Variants in SPATA7 observed in about 807,000 individuals in gnomAD.
SPATA7 encodes the protein spermatogenesis associated 7, also known as spermatogenesis-associated protein 7.
A neutral mutation model predicts 51.8 loss-of-function variants in SPATA7; 43 were observed. The observed-to-expected ratio is 0.83, with a 90% confidence interval of 0.65 to 1.07. The LOEUF (loss-of-function observed/expected upper bound fraction) is 1.07. Ranked by LOEUF, SPATA7 falls within the 50% of genes least tolerant of loss-of-function variation. The pLI is 0.00. For synonymous variants in SPATA7, 230 were observed against 252.8 expected (o/e 0.91, Z 0.86); for missense variants, 683 against 701.3 (o/e 0.97, Z 0.30).
chr14:88,395,920 G>GT (rs1288675962), intron 3 of SPATA7, among the ~76,000 whole-genome samples: 1 of 151,980 alleles, frequency 6.6e-6, no homozygotes, highest in Non-Finnish European at 1.5e-5. Flanking sequence ...TGTTAAGTCT[G>GT]TTTCATTTTG....
chr14:88,467,204 C>T (rs1451316591), intron 4 of SPATA7: 1 of 152,170 alleles, frequency 6.6e-6, no homozygotes, highest in Non-Finnish European at 1.5e-5. Flanking sequence ...TCTCCCAAAA[C>T]GCTTCTCAGC....
chr14:88,395,389 AT>A (rs1415929836), intron 3 of SPATA7, among the ~76,000 whole-genome samples: 2 of 152,164 alleles, frequency 1.3e-5, no homozygotes, highest in South Asian at 4.1e-4. Context: ...AAAGAAAAAT[AT>A]TTTGTGACAT....
In SPATA7 at chr14:88,438,030, G is replaced by T. The variant is rs375711118; in HGVS notation, c.1408G>T (p.Ala470Ser). 1 of 1,613,908 alleles carries T rather than the reference G, an allele frequency of 6.2e-7. No homozygotes were observed. The highest frequency in any genetic ancestry group is 8.5e-7 in the Non-Finnish European group (1 of 1,179,998). ...GCAGGAACGTCAACAATACCAAAAG[G>T]CTTTGGATATGTTATTGTCGGCACC... ...IQQERQQYQK[A>S]LDMLLSAPKD... is the part of the protein sequence containing the mutation. Residue 470 changes from alanine to serine, a missense_variant, in exon 12 of 12, where the codon GCT becomes TCT. By Grantham distance (99) the Ala-to-Ser change is moderately conservative. Coordinates refer to ENST00000393545, the MANE Select transcript of SPATA7 (RefSeq NM_018418.5).
At chr14:88,400,855 T>TA (rs1391614933) in intron 4 of SPATA7, among the ~76,000 whole-genome samples, 1 of 151,738 alleles carries the variant, frequency 6.6e-6, no homozygotes, top group East Asian at 1.9e-4. Context: ...AATTAAAAAT[T>TA]AAAAAAAACT....
At chr14:88,389,075 AT>A (rs2075664038) in intron 1 of SPATA7, among the ~76,000 whole-genome samples, 1 of 152,198 alleles carries the variant, frequency 6.6e-6, no homozygotes, top group Non-Finnish European at 1.5e-5. Context: ...ACAAAAAGAA[AT>A]TGCAAGTCAT....
chr14:88,456,929 A>C (rs944307150), downstream of SPATA7, among the ~76,000 whole-genome samples: 1 of 152,224 alleles, frequency 6.6e-6, no homozygotes, highest in African/African-American at 2.4e-5. Flanking sequence ...ATCCAGTTTC[A>C]GCTTTCTACA....
downstream of SPATA7, among the ~76,000 whole-genome samples, chr14:88,439,460 G>A (rs1386644107): frequency 6.6e-6 from 1 of 152,006 alleles, no homozygotes. Context: ...TTGAATATTT[G>A]TGTGCCCATT....
Position 88,424,945 on chromosome 14 carries a change from G to A in SPATA7, c.373-1287G>A, listed in dbSNP as rs561940193. Among the ~76,000 whole-genome samples the A allele has an allele frequency of 8.5e-5, 13 of 152,142 alleles. No homozygotes were observed. The East Asian group carries it at 1.7e-3, about 20-fold the overall frequency. ...GCACTTTAGGTTAGCTGACTTATTT[G>A]TTCCCAGAAAAAGAGTTAAAATCAG... On this transcript the variant is annotated intron_variant, in intron 5 of 11. Transcript: ENST00000393545.
chr14:88,414,464 T>G (rs2076421593), intron 4 of SPATA7, among the ~76,000 whole-genome samples: 2 of 152,168 alleles, frequency 1.3e-5, no homozygotes, highest in Admixed American at 1.3e-4. Flanking sequence ...TTGTTAATCT[T>G]GCTAACAGTC....
At chr14:88,450,073 T>G (rs1382369247) in intron 3 of SPATA7, among the ~76,000 whole-genome samples, 1 of 152,128 alleles carries the variant, frequency 6.6e-6, no homozygotes, top group Non-Finnish European at 1.5e-5. Flanking sequence ...TTCCAGGAAT[T>G]TATCCATCTC....
intron 4 of SPATA7, among the ~76,000 whole-genome samples, chr14:88,404,299 C>G (rs73321869): frequency 0.035 from 5,357 of 152,184 alleles, 303 homozygotes; most frequent in African/African-American, 0.12. Flanking sequence ...TGCCAAAAAT[C>G]AGTATTGTTC....
chr14:88,457,531 GTGA>G (rs1199902197), downstream of SPATA7, among the ~76,000 whole-genome samples: 7 of 152,170 alleles, frequency 4.6e-5, no homozygotes, highest in Non-Finnish European at 1.5e-5. Context: ...CTGTTCGTCT[GTGA>G]TTTGTGTATA....
At chr14:88,470,130 TAAAA>T in exon 5 of SPATA7, 1 of 1,434,740 alleles carries the variant, frequency 7.0e-7, no homozygotes. Context: ...ATGGTAGTAC[TAAAA>T]AAGTTTTTTT....
chr14:88,394,187 C>T lies in SPATA7; in HGVS notation c.190+699C>T, dbSNP rs560446984. On this transcript the variant is annotated intron_variant, in intron 3 of 11. Coordinates refer to ENST00000393545, the MANE Select transcript of SPATA7 (RefSeq NM_018418.5). Reference sequence around the variant, plus strand: ...TTTTACACTAAAAAGCAGAGTTGACCAGTTGTAACAGACTGTATCACCCTG... The same window carrying T: ...TTTTACACTAAAAAGCAGAGTTGACTAGTTGTAACAGACTGTATCACCCTG... Among the ~76,000 whole-genome samples the T allele has an allele frequency of 2.6e-5, 4 of 152,158 alleles. No individual in the cohort carries two copies. In the South Asian group the frequency reaches 8.3e-4, roughly 32 times the overall value.
downstream of SPATA7, among the ~76,000 whole-genome samples, chr14:88,439,163 T>G (rs2077160863): frequency 1.3e-5 from 2 of 152,360 alleles, no homozygotes; most frequent in South Asian, 4.1e-4. Context: ...GTTTATGATC[T>G]GGTGTGAGTC....
In SPATA7 at chr14:88,469,636, C is replaced by T. The variant is rs752596905; in HGVS notation, c.255-211C>T. Reference sequence around the variant, plus strand: ...GGTGGCATAGCAGCCAGAGTCTGTGCGGAACCGGGTCGTGATCTTAAACCT... The same window carrying T: ...GGTGGCATAGCAGCCAGAGTCTGTGTGGAACCGGGTCGTGATCTTAAACCT... On this transcript the variant is annotated intron_variant, in intron 4 of 4. Coordinates refer to the SPATA7 transcript ENST00000556406. This position sits in a 1 kb window ranked among gnomAD's most constrained non-coding sequence, Gnocchi z 4.3. 17 of 1,614,026 alleles carry T rather than the reference C, an allele frequency of 1.1e-5. No homozygotes were observed. The highest frequency in any genetic ancestry group is 5.3e-5 in the African/African-American group (4 of 74,890).
chr14:88,427,745 TTTTTC>T, intron 7 of SPATA7, 49 bp downstream of exon 7: 2 of 1,312,328 alleles, frequency 1.5e-6, no homozygotes, highest in Non-Finnish European at 2.2e-6. Flanking sequence ...ATTACAGATG[TTTTTC>T]AGTAAATAGA....
chr14:88,413,184 A>G (rs2076387815), intron 4 of SPATA7, among the ~76,000 whole-genome samples: 1 of 152,198 alleles, frequency 6.6e-6, no homozygotes, highest in Admixed American at 6.5e-5. Context: ...ATCCACGAAC[A>G]TGGAATGTTT....
intron 4 of SPATA7, among the ~76,000 whole-genome samples, chr14:88,404,232 T>A (rs1837601059): frequency 6.6e-6 from 1 of 152,184 alleles, no homozygotes; most frequent in Non-Finnish European, 1.5e-5. Context: ...TACATACTTT[T>A]TAAAGTATTG....
Sources: gnomAD v4.1 joint callset for allele counts (sites outside exome capture counted in the v4.1 genomes callset) on GRCh38, gnomAD v4.1.1 for gene constraint, Gnocchi (gnomAD v3.1) non-coding constraint, MANE v1.5 for transcripts, NCBI Gene and HGNC (gene_info 2026-07-23, HGNC 2026-07-21) for gene names.